The following ALDOB variants were observed in gnomAD, a reference collection of about 807,000 sequenced individuals.
ALDOB encodes the protein aldolase, fructose-bisphosphate B.
In ALDOB, 39 loss-of-function variants were observed where a neutral mutation model predicts 41.0. That is an observed-to-expected ratio of 0.95 (90% CI 0.74 to 1.24). The LOEUF (loss-of-function observed/expected upper bound fraction) is 1.24. ALDOB is among the 50% of genes most tolerant of loss of function. ALDOB has a pLI of 0.00. For missense variants in ALDOB, 530 were observed against 457.3 expected (o/e 1.16, Z -1.45); for synonymous variants, 175 against 168.8 (o/e 1.04, Z -0.28).
chr9:101,429,834 T>A lies in ALDOB; in HGVS notation c.245A>T (p.Glu82Val). ...CTGGCTGTCCTTCTGGTAGAGGGTC[T>A]CGTGGAAAAGGATCACACCCCCGAT... ...QSIGGVILFH[E>V]TLYQKDSQGK... The change falls in exon 3 of 9, where the codon GAG (glutamate) becomes GTG (valine). Residue 82 changes from glutamate to valine, a missense_variant. Transcript: ENST00000647789. 1 of 1,614,136 alleles carries A rather than the reference T, an allele frequency of 6.2e-7. No homozygotes were observed. Among genetic ancestry groups the A allele is most frequent in the Non-Finnish European group, 8.5e-7 (1 of 1,180,032 alleles).
Position 101,434,303 on chromosome 9 carries a change from G to T in ALDOB, c.-11+1406C>A, listed in dbSNP as rs532990509. ...TTCTAAGTTGTGATGTTCTAGGATT[G>T]CAAGTTACATCCTATTGGCTTATGA... On this transcript the variant is annotated intron_variant, in intron 1 of 8. Coordinates refer to ENST00000647789, the MANE Select transcript of ALDOB (RefSeq NM_000035.4). Among the ~76,000 whole-genome samples the T allele has an allele frequency of 7.2e-5, 11 of 152,294 alleles. No individual in the cohort carries two copies. The South Asian group carries it at 2.3e-3, about 32-fold the overall frequency.
chr9:101,429,965 A>T lies in ALDOB; in HGVS notation c.114T>A (p.Gly38=). 4.3e-6 allele frequency: 7 copies of T among 1,613,850 alleles called. No homozygotes were observed. Among genetic ancestry groups the T allele is most frequent in the Non-Finnish European group, 5.9e-6 (7 of 1,179,932 alleles). The part of the protein sequence containing the change: ...KGILAADESV[G]TMGNRLQRIK... ...TCCTCTGCAGGCGGTTCCCCATGGTACCTATGGTGGGAGGGCCAAGGGCAG... is the reference window on the plus strand; with the variant it reads ...TCCTCTGCAGGCGGTTCCCCATGGTTCCTATGGTGGGAGGGCCAAGGGCAG... The change falls in exon 3 of 9, where the codon GGT becomes GGA. Residue 38 remains glycine (G), a splice_region_variant and synonymous_variant. Transcript: ENST00000647789.
intron 8 of ALDOB, 26 bp downstream of exon 8, chr9:101,424,817 G>A (rs1369589867): frequency 6.2e-7 from 1 of 1,611,220 alleles, no homozygotes; most frequent in East Asian, 2.2e-5. Flanking sequence ...ACATCATCAA[G>A]TAGATAAGAG....
At chr9:101,426,441 C>T in intron 6 of ALDOB, 114 bp downstream of exon 6, 1 of 746,554 alleles carries the variant, frequency 1.3e-6, no homozygotes, top group Non-Finnish European at 2.4e-6. Context: ...CTTCTCTATG[C>T]TATCCATCCT....
intron 6 of ALDOB, among the ~76,000 whole-genome samples, 162 bp downstream of exon 6, chr9:101,426,393 G>A (rs553595076): frequency 1.3e-5 from 2 of 152,280 alleles, no homozygotes; most frequent in East Asian, 1.9e-4. Context: ...AGTATACCAT[G>A]TGCCAAAAAG....
intron 4 of ALDOB, among the ~76,000 whole-genome samples, chr9:101,428,124 C>G (rs1052264218): frequency 8.5e-5 from 13 of 152,208 alleles, no homozygotes; most frequent in Admixed American, 6.5e-4. Context: ...GGACTTTCCA[C>G]TCTACTGCTG....
At chr9:101,429,126 T>TTC (rs200068470) in intron 3 of ALDOB, among the ~76,000 whole-genome samples, 1,947 of 151,654 alleles carry the variant, frequency 0.013, 23 homozygotes, top group South Asian at 0.032. Context: ...ACTTTTTCTT[T>TTC]TCTTTTTTCT....
Position 101,424,905 on chromosome 9 carries a change from C to A in ALDOB, c.937G>T (p.Ala313Ser). 6.2e-7 allele frequency: 1 copy of A among 1,614,136 alleles called. No homozygotes were observed. Among genetic ancestry groups the A allele is most frequent in the South Asian group, 1.1e-5 (1 of 91,082 alleles). ...GRALQASALA[A>S]WGGKAANKEA... The stretch of plus-strand genomic sequence containing the variant: ...TTGTTTGCAGCCTTGCCACCCCAGG[C>A]AGCCAGTGCACTGGCCTGCAGGGCC... Residue 313 changes from alanine (A) to serine (S), a missense_variant, in exon 8 of 9, where the codon GCC (alanine) becomes TCC (serine). Coordinates refer to ENST00000647789, the MANE Select transcript of ALDOB (RefSeq NM_000035.4).
chr9:101,422,199 T>G (rs1051472659), intron 8 of ALDOB, among the ~76,000 whole-genome samples: 1 of 152,184 alleles, frequency 6.6e-6, no homozygotes, highest in African/African-American at 2.4e-5. Flanking sequence ...GTTGAAAAAT[T>G]TCTCACTAGT....
At chr9:101,424,643 A>T (rs755778232) in intron 8 of ALDOB, among the ~76,000 whole-genome samples, 200 bp downstream of exon 8, 12 of 152,120 alleles carry the variant, frequency 7.9e-5, no homozygotes, top group Non-Finnish European at 1.2e-4. Flanking sequence ...CCTGTCATCA[A>T]CTATACTCTA....
intron 8 of ALDOB, among the ~76,000 whole-genome samples, chr9:101,422,299 A>G (rs1206981079): frequency 5.9e-5 from 9 of 152,206 alleles, no homozygotes; most frequent in Non-Finnish European, 1.5e-5. Flanking sequence ...TGTAATTTTT[A>G]TTTAGTTATT....
intron 3 of ALDOB, among the ~76,000 whole-genome samples, chr9:101,429,139 C>CT (rs552828978): frequency 0.087 from 11,893 of 137,102 alleles, 521 homozygotes; most frequent in Middle Eastern, 0.17. Flanking sequence ...TTTTTTCTTT[C>CT]TTTTTTTTTT....
At chr9:101,425,748 GCTT>G (rs1831119165) in intron 6 of ALDOB, 121 bp from the exon 7 acceptor site, 1 of 1,102,996 alleles carries the variant, frequency 9.1e-7, no homozygotes, top group African/African-American at 1.5e-5. Flanking sequence ...CTTGGCAAAA[GCTT>G]CTGAACCAAT....
chr9:101,430,684 A>T, intron 2 of ALDOB, 92 bp downstream of exon 2: 1 of 995,184 alleles, frequency 1.0e-6, no homozygotes, highest in Non-Finnish European at 1.6e-6. Flanking sequence ...ATAAACCTTT[A>T]CTTCCATAAA....
chr9:101,425,557 T>C lies in ALDOB; in HGVS notation c.695A>G (p.Asn232Ser), dbSNP rs1831115893. 3 of 1,614,144 alleles carry C rather than the reference T, an allele frequency of 1.9e-6. No individual in the cohort carries two copies. Among genetic ancestry groups the C allele is most frequent in the Middle Eastern group, 1.6e-4 (1 of 6,062 alleles). The change falls in exon 7 of 9, where the codon AAC (asparagine) becomes AGC (serine). Residue 232 changes from asparagine (N) to serine (S), a missense_variant. Transcript: ENST00000647789. ...VYLEGTLLKP[N>S]MVTAGHACTK... Reference sequence around the variant, plus strand: ...GCAGGCATGTCCAGCAGTCACCATGTTGGGCTTTAGCAGGGTGCCCTCCAG... The same window carrying C: ...GCAGGCATGTCCAGCAGTCACCATGCTGGGCTTTAGCAGGGTGCCCTCCAG...
chr9:101,428,512 T>G lies in ALDOB; in HGVS notation c.336A>C (p.Gly112=), dbSNP rs1248064943. 4.3e-6 allele frequency: 7 copies of G among 1,613,928 alleles called. No individual in the cohort carries two copies. Among genetic ancestry groups the G allele is most frequent in the Non-Finnish European group, 5.9e-6 (7 of 1,179,774 alleles). ...TGTTTGTTCCTGCAAGAGGAGCACC[T>G]CCTTGGTCTAACTGTGGATACAAAT... The part of the protein sequence containing the change: ...GIVVGIKLDQ[G]GAPLAGTNKE... The change falls in exon 4 of 9, where the codon GGA becomes GGC. Residue 112 remains glycine, a synonymous_variant. Coordinates refer to ENST00000647789, the MANE Select transcript of ALDOB (RefSeq NM_000035.4).
In ALDOB at chr9:101,424,850, C is replaced by T. The variant is rs371526091; in HGVS notation, c.992G>A (p.Arg331Gln). The change falls in exon 8 of 9, where the codon CGG (arginine) becomes CAG (glutamine). Residue 331 changes from arginine (R) to glutamine (Q), a missense_variant. By Grantham distance (43) the Arg-to-Gln change is conservative. Transcript: ENST00000647789. ...GAGGTGGCAGCATCTTACCATGGCC[C>T]GCTTCATAAAAGCCTCCTGGGTTGC... ...KEATQEAFMKRAMANCQAAKG... is the reference protein window; with the variant it reads ...KEATQEAFMKQAMANCQAAKG... 8.2e-5 allele frequency: 132 copies of T among 1,612,754 alleles called. No homozygotes were observed. Among genetic ancestry groups the T allele is most frequent in the Middle Eastern group, 2.0e-4 (1 of 5,048 alleles).
At chr9:101,430,129 C>G (rs914815294) in intron 2 of ALDOB, among the ~76,000 whole-genome samples, 163 bp from the exon 3 acceptor site, 1 of 152,054 alleles carries the variant, frequency 6.6e-6, no homozygotes, top group African/African-American at 2.4e-5. Context: ...GGGAGAAGAC[C>G]CTGGTTGCTC....
chr9:101,424,961 T>A lies in ALDOB; in HGVS notation c.881A>T (p.Lys294Met). 1 of 1,614,216 alleles carries A rather than the reference T, an allele frequency of 6.2e-7. No homozygotes were observed. Among genetic ancestry groups the A allele is most frequent in the South Asian group, 1.1e-5 (1 of 91,086 alleles). Residue 294 changes from lysine (K) to methionine (M), a missense_variant, in exon 8 of 9, where the codon AAG becomes ATG. Transcript: ENST00000647789. ...ATAAGAGAAACTTAGTTTCCAGGGC[T>A]TTGGTAGAGGGCAAAGGTTGATAGC... is the stretch of plus-strand genomic sequence containing the variant. ...LNAINLCPLPKPWKLSFSYGR... is the reference protein window; with the variant it reads ...LNAINLCPLPMPWKLSFSYGR...
Sources: gnomAD v4.1 joint callset for allele counts (sites outside exome capture counted in the v4.1 genomes callset) on GRCh38, gnomAD v4.1.1 for gene constraint, MANE v1.5 for transcripts, NCBI Gene and HGNC (gene_info 2026-07-23, HGNC 2026-07-21) for gene names.